The following DLGAP2 variants were observed in gnomAD, a reference collection of about 807,000 sequenced individuals.
The protein encoded by DLGAP2 is DLG associated protein 2.
DLGAP2 carries 26 observed loss-of-function variants against 100.3 expected under a neutral mutation model. The ratio of observed to expected loss-of-function variants is 0.26; its 90% CI spans 0.19 to 0.36. DLGAP2 has a LOEUF of 0.36. DLGAP2 is among the 10% of genes least tolerant of loss of function. The pLI, the probability that DLGAP2 is intolerant of heterozygous loss-of-function variation, is 1.00. For synonymous variants in DLGAP2, 886 were observed against 630.1 expected (o/e 1.41, Z -6.08); for missense variants, 1,858 against 1,453.2 (o/e 1.28, Z -4.53).
At chr8:959,315 C>A (rs768244181) in intron 2 of DLGAP2, among the ~76,000 whole-genome samples, 4 of 152,196 alleles carry the variant, frequency 2.6e-5, no homozygotes, top group Non-Finnish European at 4.4e-5. Context: ...GTGTGGCACA[C>A]ATGACAGAAT....
chr8:864,200 A>G (rs1797447153), intron 1 of DLGAP2, among the ~76,000 whole-genome samples: 1 of 152,110 alleles, frequency 6.6e-6, no homozygotes, highest in Non-Finnish European at 1.5e-5. Flanking sequence ...AGGTGGGAGG[A>G]CAGGGATGCA....
At chr8:1,328,177 C>G (rs148329625) in intron 3 of DLGAP2, among the ~76,000 whole-genome samples, 3,000 of 151,504 alleles carry the variant, frequency 0.02, 115 homozygotes, top group African/African-American at 0.068. Context: ...GTAGCCGGGA[C>G]TACAGGCATG....
At chr8:1,477,273 A>T (rs1798962304) in intron 3 of DLGAP2, among the ~76,000 whole-genome samples, 1 of 152,120 alleles carries the variant, frequency 6.6e-6, no homozygotes, top group Non-Finnish European at 1.5e-5. Flanking sequence ...AAGGTACTGG[A>T]CCATAACACA....
Position 1,430,564 on chromosome 8 carries a change from G to A in DLGAP2, c.107-70802G>A, listed in dbSNP as rs140040723. On this transcript the variant is annotated intron_variant, in intron 3 of 14. Transcript: ENST00000637795. The stretch of plus-strand genomic sequence containing the variant: ...GACTCAGACAAACCCCATTGCTTCT[G>A]GGCCTCAGAGGTTTTGTATTTAAAA... Among the ~76,000 whole-genome samples, 221 of 152,298 alleles carry A rather than the reference G, an allele frequency of 1.5e-3. 1 individual carries two copies. The Middle Eastern group carries it at 0.017, about 12-fold the overall frequency.
chr8:1,452,139 T>C (rs1161827059), intron 3 of DLGAP2, among the ~76,000 whole-genome samples: 1 of 152,260 alleles, frequency 6.6e-6, no homozygotes, highest in Non-Finnish European at 1.5e-5. Context: ...CAGCTGTCTG[T>C]CAAGACACTG....
intron 2 of DLGAP2, among the ~76,000 whole-genome samples, chr8:913,776 T>C (rs1383804124): frequency 1.3e-5 from 2 of 152,260 alleles, no homozygotes; most frequent in African/African-American, 2.4e-5. Context: ...CAGTATGTGA[T>C]ACTATATGAC....
intron 1 of DLGAP2, 61 bp from the exon 2 acceptor site, chr8:907,851 T>C (rs768082433): frequency 2.3e-5 from 9 of 398,330 alleles, no homozygotes; most frequent in East Asian, 3.6e-5. Context: ...CAACAGTTAA[T>C]GAGATGCCTT....
chr8:1,486,078 A>C (rs987779173), intron 3 of DLGAP2, among the ~76,000 whole-genome samples: 19 of 152,212 alleles, frequency 1.2e-4, no homozygotes, highest in Non-Finnish European at 2.6e-4. Flanking sequence ...CATGGTCTTC[A>C]AGATCTCTGC....
intron 3 of DLGAP2, among the ~76,000 whole-genome samples, chr8:1,267,923 C>G (rs1234448560): frequency 1.3e-5 from 2 of 152,142 alleles, no homozygotes; most frequent in African/African-American, 2.4e-5. Context: ...ATACATAAAG[C>G]TGGCTTCATG....
At chr8:1,585,351 G>C (rs7833793) in intron 6 of DLGAP2, among the ~76,000 whole-genome samples, 90,342 of 151,688 alleles carry the variant, frequency 0.6, 28,357 homozygotes, top group African/African-American at 0.82. Flanking sequence ...GTAATCCCAG[G>C]TACCCAGGTG....
At chr8:1,657,357 T>G (rs1222142699) in intron 8 of DLGAP2, among the ~76,000 whole-genome samples, 1 of 152,248 alleles carries the variant, frequency 6.6e-6, no homozygotes, top group Non-Finnish European at 1.5e-5. Context: ...AGCCTATAGC[T>G]CATAAGGATT....
chr8:1,567,386 C>T (rs1052710198), intron 6 of DLGAP2, among the ~76,000 whole-genome samples: 1 of 152,208 alleles, frequency 6.6e-6, no homozygotes, highest in Admixed American at 6.5e-5. Context: ...GGGTTTTGGA[C>T]CCCCAGGTAA....
intron 4 of DLGAP2, among the ~76,000 whole-genome samples, chr8:1,510,347 C>T (rs1022427098): frequency 6.6e-6 from 1 of 152,196 alleles, no homozygotes; most frequent in African/African-American, 2.4e-5. Flanking sequence ...AGCCTCGTTG[C>T]CCCAGATGTC....
intron 2 of DLGAP2, among the ~76,000 whole-genome samples, chr8:983,829 C>G (rs972242645): frequency 6.6e-6 from 1 of 151,742 alleles, no homozygotes; most frequent in South Asian, 2.1e-4. Context: ...TTGTAGAGAC[C>G]AGGTCTCGCT....
chr8:841,539 T>C (rs1796983887), intron 1 of DLGAP2, among the ~76,000 whole-genome samples: 2 of 152,322 alleles, frequency 1.3e-5, no homozygotes, highest in African/African-American at 4.8e-5. Flanking sequence ...AAGGTCATTG[T>C]TTCTAGACCC....
intron 10 of DLGAP2, among the ~76,000 whole-genome samples, chr8:1,674,446 C>CTT (rs1585052182): frequency 6.6e-6 from 1 of 152,314 alleles, no homozygotes; most frequent in African/African-American, 2.4e-5. Context: ...CCAGGTGCTA[C>CTT]TTTATAAATA....
intron 3 of DLGAP2, among the ~76,000 whole-genome samples, chr8:1,381,992 AT>A (rs573050676): frequency 2.6e-4 from 39 of 152,330 alleles, no homozygotes; most frequent in African/African-American, 9.1e-4. Flanking sequence ...CTTGAAAAAA[AT>A]CAAATAAATA....
chr8:907,508 C>A (rs1798404492), intron 1 of DLGAP2, among the ~76,000 whole-genome samples: 1 of 152,166 alleles, frequency 6.6e-6, no homozygotes, highest in South Asian at 2.1e-4. Flanking sequence ...TCTGGAAGAC[C>A]CAGCACAATG....
Position 1,707,814 on chromosome 8 carries a change from G to A in DLGAP2, c.*6408G>A, listed in dbSNP as rs911744210. Reference sequence around the variant, plus strand: ...ATAAATATAAATATGAAATCATATCGAGTGTGAGGATGAGCAGAGTGCCAA... The same window carrying A: ...ATAAATATAAATATGAAATCATATCAAGTGTGAGGATGAGCAGAGTGCCAA... On this transcript the variant is annotated 3_prime_UTR_variant, in exon 15 of 15. Coordinates refer to ENST00000637795, the MANE Select transcript of DLGAP2 (RefSeq NM_001346810.2). 6.6e-6 allele frequency: 1 copy of A among 152,444 alleles called. No individual in the cohort carries two copies. The highest frequency in any genetic ancestry group is 2.4e-5 in the African/African-American group (1 of 41,398). The allele number at this position is 152,444 out of a possible 1,614,324, so 9.4% of individuals were successfully genotyped here.
Sources: gnomAD v4.1 joint callset for allele counts (sites outside exome capture counted in the v4.1 genomes callset) on GRCh38, gnomAD v4.1.1 for gene constraint, MANE v1.5 for transcripts, NCBI Gene and HGNC (gene_info 2026-07-23, HGNC 2026-07-21) for gene names.